The following TMEM178B variants were observed in gnomAD, a reference collection of about 807,000 sequenced individuals.
The protein encoded by TMEM178B is transmembrane protein 178B.
A neutral mutation model predicts 31.0 loss-of-function variants in TMEM178B; 5 were observed. The observed-to-expected ratio is 0.16, with a 90% confidence interval of 0.08 to 0.34. The LOEUF (loss-of-function observed/expected upper bound fraction) is 0.34, where lower values mean the gene tolerates loss of function less well. TMEM178B is among the 10% of genes least tolerant of loss of function. TMEM178B has a pLI of 1.00. For missense variants in TMEM178B, 275 were observed against 400.3 expected (o/e 0.69, Z 2.67); for synonymous variants, 164 against 164.0 (o/e 1.00, Z 0.00).
intron 3 of TMEM178B, among the ~76,000 whole-genome samples, chr7:141,454,360 G>A (rs1801922511): frequency 6.6e-6 from 1 of 152,044 alleles, no homozygotes; most frequent in Non-Finnish European, 1.5e-5. Context: ...TTACAGAGAA[G>A]TGACTGCCTT....
chr7:141,208,520 T>G (rs1797001954), intron 1 of TMEM178B, among the ~76,000 whole-genome samples: 1 of 152,234 alleles, frequency 6.6e-6, no homozygotes, highest in South Asian at 2.1e-4. Context: ...TATTTTGCTT[T>G]TCTTTTTAGG....
chr7:141,375,046 A>G (rs1218890827), intron 2 of TMEM178B, among the ~76,000 whole-genome samples: 6 of 152,162 alleles, frequency 3.9e-5, no homozygotes, highest in African/African-American at 1.4e-4. Context: ...AATTTAATGT[A>G]TCCTTGGATA....
chr7:141,297,367 T>A (rs982630500), intron 2 of TMEM178B, among the ~76,000 whole-genome samples: 4 of 152,120 alleles, frequency 2.6e-5, no homozygotes, highest in Non-Finnish European at 4.4e-5. Flanking sequence ...TATTATTATT[T>A]TTATTATACT....
At chr7:141,347,842 A>G (rs1296477353) in intron 2 of TMEM178B, among the ~76,000 whole-genome samples, 3 of 152,146 alleles carry the variant, frequency 2.0e-5, no homozygotes, top group South Asian at 2.1e-4. Flanking sequence ...ACTTAAGTAG[A>G]AAGTGTGTGT....
intron 1 of TMEM178B, among the ~76,000 whole-genome samples, chr7:141,179,264 T>C (rs1796480077): frequency 2.0e-5 from 3 of 152,234 alleles, no homozygotes; most frequent in Non-Finnish European, 2.9e-5. Context: ...TATATTAATA[T>C]TGGAAAATTA....
chr7:141,305,199 A>G (rs893332770), intron 2 of TMEM178B, among the ~76,000 whole-genome samples: 1 of 152,200 alleles, frequency 6.6e-6, no homozygotes, highest in African/African-American at 2.4e-5. Context: ...CACTGCCCCA[A>G]AAGAGAAGGA....
chr7:141,301,883 C>T (rs1474657829), intron 2 of TMEM178B, among the ~76,000 whole-genome samples: 1 of 152,166 alleles, frequency 6.6e-6, no homozygotes, highest in Non-Finnish European at 1.5e-5. Context: ...AGTGAGCACC[C>T]AAACAACTCC....
intron 2 of TMEM178B, among the ~76,000 whole-genome samples, chr7:141,428,296 A>G (rs1404076824): frequency 7.3e-6 from 1 of 136,208 alleles, no homozygotes; most frequent in African/African-American, 2.7e-5. Flanking sequence ...TGAACCTGGG[A>G]GGCGGAGGTT....
At chr7:141,407,022 A>G (rs755387925) in intron 2 of TMEM178B, among the ~76,000 whole-genome samples, 2 of 152,244 alleles carry the variant, frequency 1.3e-5, no homozygotes, top group African/African-American at 2.4e-5. Context: ...ACAGTCAGCA[A>G]ATTATGGCCC....
At chr7:141,402,896 T>A (rs2116622339) in intron 2 of TMEM178B, among the ~76,000 whole-genome samples, 1 of 152,356 alleles carries the variant, frequency 6.6e-6, no homozygotes, top group East Asian at 1.9e-4. Context: ...CTTTCCTTTG[T>A]TTCTCAGTTA....
At chr7:141,254,346 A>T (rs979030601) in intron 2 of TMEM178B, among the ~76,000 whole-genome samples, 7 of 152,082 alleles carry the variant, frequency 4.6e-5, no homozygotes, top group African/African-American at 9.7e-5. Flanking sequence ...TACAGGTGCT[A>T]CTCAGGGTTC....
chr7:141,205,986 G>A (rs888065844), intron 1 of TMEM178B, among the ~76,000 whole-genome samples: 2 of 152,186 alleles, frequency 1.3e-5, no homozygotes, highest in African/African-American at 2.4e-5. Context: ...TACTGTGTGG[G>A]AAAATTTATA....
At chr7:141,300,389 AG>A (rs940218086) in intron 2 of TMEM178B, among the ~76,000 whole-genome samples, 4 of 152,296 alleles carry the variant, frequency 2.6e-5, no homozygotes, top group Admixed American at 2.6e-4. Context: ...TCAGGAAGAA[AG>A]GCTATTTGAT....
At chr7:141,205,843 C>A (rs1053835122) in intron 1 of TMEM178B, among the ~76,000 whole-genome samples, 2 of 152,218 alleles carry the variant, frequency 1.3e-5, no homozygotes, top group African/African-American at 4.8e-5. Flanking sequence ...TGCCTGCTGG[C>A]ATTGCTGTAG....
At chr7:141,178,702 A>G (rs1369114364) in intron 1 of TMEM178B, among the ~76,000 whole-genome samples, 1 of 152,202 alleles carries the variant, frequency 6.6e-6, no homozygotes, top group Non-Finnish European at 1.5e-5. Context: ...CCTGCACTGA[A>G]TGGCCCCAGG....
intron 2 of TMEM178B, among the ~76,000 whole-genome samples, chr7:141,406,653 G>T (rs1010218153): frequency 6.6e-6 from 1 of 152,224 alleles, no homozygotes; most frequent in Non-Finnish European, 1.5e-5. Context: ...TGGCTGTGGT[G>T]CACTTAAAGT....
intron 1 of TMEM178B, among the ~76,000 whole-genome samples, chr7:141,083,766 A>G (rs573578698): frequency 9.8e-5 from 15 of 152,368 alleles, no homozygotes; most frequent in African/African-American, 3.4e-4. Context: ...AGTGGTTAAA[A>G]TGGTAAATTA....
the TMEM178B span, among the ~76,000 whole-genome samples, chr7:141,491,415 A>G: frequency 6.6e-6 from 1 of 152,120 alleles, no homozygotes; most frequent in Non-Finnish European, 1.5e-5. Context: ...ACATCTTTAA[A>G]TTTACCTTTT....
the TMEM178B span, among the ~76,000 whole-genome samples, chr7:141,502,751 C>A: frequency 1.4e-5 from 2 of 142,306 alleles, no homozygotes; most frequent in African/African-American, 2.8e-5. Flanking sequence ...GCCTGGGCAA[C>A]AAGAGCGAAA....
Sources: gnomAD v4.1 joint callset for allele counts (sites outside exome capture counted in the v4.1 genomes callset) on GRCh38, gnomAD v4.1.1 for gene constraint, MANE v1.5 for transcripts, NCBI Gene and HGNC (gene_info 2026-07-23, HGNC 2026-07-21) for gene names.